Variants in AP3B1 observed in about 807,000 individuals in gnomAD.
The protein encoded by AP3B1 is AP-3 complex subunit beta-1.
AP3B1 carries 61 observed loss-of-function variants against 132.5 expected under a neutral mutation model. The observed-to-expected ratio is 0.46, with a 90% CI of 0.37 to 0.57. The LOEUF is 0.57. AP3B1 is among the 20% of genes least tolerant of loss of function. The pLI is 0.00. For synonymous variants in AP3B1, 388 were observed against 438.3 expected, an observed-to-expected ratio of 0.89 and a Z score of 1.43; for missense variants, 1,120 against 1,289.4, an observed-to-expected ratio of 0.87 and a Z score of 2.01.
intron 22 of AP3B1, among the ~76,000 whole-genome samples, chr5:78,084,428 G>A (rs1397690126): frequency 6.8e-6 from 1 of 147,688 alleles, no homozygotes; most frequent in East Asian, 2.0e-4. Context: ...GGAGGCTGAG[G>A]TAGAAGGATG....
At chr5:78,196,922 G>A (rs1388513492) in intron 7 of AP3B1, among the ~76,000 whole-genome samples, 2 of 152,156 alleles carry the variant, frequency 1.3e-5, no homozygotes, top group Non-Finnish European at 2.9e-5. Flanking sequence ...CAAAACTATT[G>A]TGTATGATAA....
Position 78,039,070 on chromosome 5 carries a change from T to C in AP3B1, c.2782A>G (p.Met928Val), listed in dbSNP as rs777332984. 2 of 1,600,480 alleles carry C rather than the reference T, an allele frequency of 1.2e-6. No individual in the cohort carries two copies. The highest frequency in any genetic ancestry group is 1.7e-5 in the Admixed American group (1 of 59,756). ...HIGEKKLPIG[M>V]KMHVFNPIDS... The stretch of plus-strand genomic sequence containing the variant: ...ATTGGATTAAAAACATGCATTTTCA[T>C]GCCTATAGGAAGTTTTTTTTCCCCT... Residue 928 changes from methionine (M) to valine (V), a missense_variant, in exon 23 of 27, where the codon ATG (methionine) becomes GTG (valine). By Grantham distance (21) the Met-to-Val change is conservative. Around this residue, in one of 3 missense-constraint regions of AP3B1, gnomAD observed 906 missense variants for 997.1 expected, o/e 0.91. Transcript: ENST00000255194.
At chr5:78,228,261 T>G in intron 3 of AP3B1, 22 bp from the exon 4 acceptor site, 1 of 1,571,780 alleles carries the variant, frequency 6.4e-7, no homozygotes, top group East Asian at 2.3e-5. Flanking sequence ...AAATCATTTA[T>G]TCATAACCAG....
intron 24 of AP3B1, among the ~76,000 whole-genome samples, chr5:78,025,875 C>A (rs1747320745): frequency 6.6e-6 from 1 of 152,176 alleles, no homozygotes; most frequent in Non-Finnish European, 1.5e-5. Context: ...CAGTACATAA[C>A]TCACTTTGTA....
At position 78,066,116 on chromosome 5, in the gene AP3B1, G is replaced by A. The variant is rs115573376; in HGVS notation, c.2577+23277C>T. On this transcript the variant is annotated intron_variant, in intron 22 of 26. Transcript: ENST00000255194. The stretch of plus-strand genomic sequence containing the variant: ...CTGTTAAAAGAAAAACAAACATCAA[G>A]CAACAACAGCATCAACAAAAAAGTC... Among the ~76,000 whole-genome samples, 1,267 of 150,832 alleles carry A rather than the reference G, an allele frequency of 8.4e-3. 17 individuals carry two copies. The highest frequency in any genetic ancestry group is 0.029 in the African/African-American group (1,193 of 40,956).
chr5:78,142,837 T>C (rs953462843), intron 14 of AP3B1, among the ~76,000 whole-genome samples: 3 of 152,140 alleles, frequency 2.0e-5, no homozygotes. Context: ...ATTCATGCAG[T>C]GTGATAAAAC....
intron 22 of AP3B1, among the ~76,000 whole-genome samples, chr5:78,084,364 C>G (rs1293566012): frequency 1.3e-5 from 2 of 151,126 alleles, no homozygotes; most frequent in Non-Finnish European, 3.0e-5. Flanking sequence ...TATCTACCAA[C>G]AAAAATATAA....
rs546646726 is a variant in AP3B1 at position 78,009,486 on chromosome 5, T to C, written c.3131+5924A>G. Among the ~76,000 whole-genome samples the C allele has an allele frequency of 2.6e-5, 4 of 151,846 alleles. No homozygotes were observed. The East Asian group carries it at 7.8e-4, about 29-fold the overall frequency. On this transcript the variant is annotated intron_variant, in intron 26 of 26. Transcript: ENST00000255194. ...GAAAAAAAAAAAGAAATGAAACAAG[T>C]TGTTCTTTACCTGTACTTGAATTAA...
At chr5:78,073,517 T>C (rs1749631851) in intron 22 of AP3B1, among the ~76,000 whole-genome samples, 1 of 152,176 alleles carries the variant, frequency 6.6e-6, no homozygotes, top group Non-Finnish European at 1.5e-5. Context: ...CAAAATTCCA[T>C]CAAATTTGTG....
chr5:78,232,042 CCTT>C (rs1257289821), intron 3 of AP3B1, among the ~76,000 whole-genome samples: 1 of 152,136 alleles, frequency 6.6e-6, no homozygotes, highest in African/African-American at 2.4e-5. Flanking sequence ...CTCTTTACAT[CCTT>C]CTATATTATC....
At chr5:78,023,916 G>A (rs1185912012) in intron 24 of AP3B1, among the ~76,000 whole-genome samples, 2 of 152,158 alleles carry the variant, frequency 1.3e-5, no homozygotes, top group African/African-American at 2.4e-5. Flanking sequence ...AGAAACCTGA[G>A]CATGCTTAGA....
intron 22 of AP3B1, among the ~76,000 whole-genome samples, chr5:78,056,571 T>C (rs912646887): frequency 1.3e-5 from 2 of 152,210 alleles, no homozygotes; most frequent in African/African-American, 4.8e-5. Context: ...GATAGTACCA[T>C]CCAAAGGCCT....
At chr5:78,005,003 T>C (rs1395845619) in intron 26 of AP3B1, among the ~76,000 whole-genome samples, 2 of 152,196 alleles carry the variant, frequency 1.3e-5, no homozygotes, top group African/African-American at 4.8e-5. Context: ...CTCACAGGTT[T>C]ATGCATTTCT....
chr5:78,259,122 C>T (rs964345324), intron 2 of AP3B1, among the ~76,000 whole-genome samples: 13 of 151,952 alleles, frequency 8.6e-5, no homozygotes, highest in African/African-American at 3.1e-4. Context: ...ATGGCAGGTG[C>T]CTGTAGTCCC....
chr5:78,086,707 G>C (rs1235950676), intron 22 of AP3B1, among the ~76,000 whole-genome samples: 1 of 152,154 alleles, frequency 6.6e-6, no homozygotes, highest in East Asian at 1.9e-4. Flanking sequence ...ACTGTACCAT[G>C]TCCCTCACAA....
rs1407783946 is a variant in AP3B1 at position 78,100,945 on chromosome 5, A to G, written c.2470+8T>C. On this transcript the variant is annotated splice_region_variant and intron_variant, in intron 21 of 26. Transcript: ENST00000255194. ...CACAGAAGAAATATTTTAAATTACA[A>G]TACTTACAATCATCCAGATCTAGAA... The G allele has an allele frequency of 6.7e-7, 1 of 1,495,032 alleles. No homozygotes were observed. Among genetic ancestry groups the G allele is most frequent in the African/African-American group, 1.4e-5 (1 of 72,264 alleles). The allele number at this position is 1,495,032 out of a possible 1,614,324, so 92.6% of individuals were successfully genotyped here.
chr5:78,098,479 T>TA (rs1033414935), intron 21 of AP3B1, among the ~76,000 whole-genome samples: 1 of 152,154 alleles, frequency 6.6e-6, no homozygotes, highest in African/African-American at 2.4e-5. Context: ...TTGTAACATT[T>TA]ACTCTTAGTT....
Position 78,283,089 on chromosome 5 carries a change from T to C in AP3B1, c.128+11363A>G, listed in dbSNP as rs116335288. On this transcript the variant is annotated intron_variant, in intron 1 of 26. Transcript: ENST00000255194. The stretch of plus-strand genomic sequence containing the variant: ...AATCATAATTACTATGTTTATTATG[T>C]ACCAGGCACTATTTACATATGTTAA... Among the ~76,000 whole-genome samples the C allele has an allele frequency of 4.4e-3, 673 of 152,342 alleles. 2 individuals are homozygous for C. Among genetic ancestry groups the C allele is most frequent in the African/African-American group, 0.015 (625 of 41,574 alleles).
chr5:78,240,269 A>C (rs1234044414), intron 3 of AP3B1, among the ~76,000 whole-genome samples: 2 of 152,236 alleles, frequency 1.3e-5, no homozygotes, highest in African/African-American at 4.8e-5. Context: ...AAATTTATCA[A>C]TTAACCAGGC....
Sources: gnomAD v4.1 joint callset for allele counts (sites outside exome capture counted in the v4.1 genomes callset) on GRCh38, gnomAD v4.1.1 for gene constraint, gnomAD v4.1.1 regional missense constraint, MANE v1.5 for transcripts, NCBI Gene and HGNC (gene_info 2026-07-23, HGNC 2026-07-21) for gene names.